SOAT1: variants seen among roughly 807,000 people sequenced by gnomAD.
The protein encoded by SOAT1 is acyl-coenzyme A:cholesterol acyltransferase 1.
In SOAT1, 55 loss-of-function variants were observed where a neutral mutation model predicts 69.5. The ratio of observed to expected loss-of-function variants is 0.79; its 90% confidence interval spans 0.64 to 0.99. The LOEUF (loss-of-function observed/expected upper bound fraction) is 0.99, where lower values mean the gene tolerates loss of function less well. SOAT1 is among the 50% of genes least tolerant of loss of function. SOAT1 has a pLI of 0.00. For missense variants in SOAT1, 580 were observed against 669.3 expected (o/e 0.87, Z 1.47); for synonymous variants, 231 against 224.7 (o/e 1.03, Z -0.25).
At position 179,302,838 on chromosome 1, in the gene SOAT1, G is replaced by A. The variant is rs745416065; in HGVS notation, c.118+36G>A. 10 of 1,112,340 alleles carry A rather than the reference G, an allele frequency of 9.0e-6. 1 individual carries two copies. In the South Asian group the frequency reaches 1.5e-4, roughly 17 times the overall value. 68.9% of individuals were successfully genotyped at this position (1,112,340 alleles called of 1,614,324 possible). On this transcript the variant is annotated intron_variant, in intron 2 of 15. Coordinates refer to ENST00000367619, the MANE Select transcript of SOAT1 (RefSeq NM_003101.6). ...ATTTTTTTTTTTTAGGTGAATTAGT[G>A]AAATAGAGAACAAATACAGTGTTAT...
intron 10 of SOAT1, 107 bp from the exon 11 acceptor site, chr1:179,344,840 G>C: frequency 9.8e-7 from 1 of 1,025,238 alleles, no homozygotes; most frequent in East Asian, 2.4e-5. Flanking sequence ...ATACATATGC[G>C]AACATTACTG....
chr1:179,298,002 CAA>C (rs59670155), intron 1 of SOAT1, among the ~76,000 whole-genome samples: 3 of 143,018 alleles, frequency 2.1e-5, no homozygotes, highest in African/African-American at 5.2e-5. Context: ...AACTCTGTCT[CAA>C]AAAAAAAAAA....
chr1:179,298,406 T>C (rs1218096730), intron 1 of SOAT1, among the ~76,000 whole-genome samples: 4 of 152,164 alleles, frequency 2.6e-5, no homozygotes, highest in Admixed American at 6.5e-5. Flanking sequence ...GCTTTTGATG[T>C]AAGGTTTCCT....
intron 1 of SOAT1, among the ~76,000 whole-genome samples, chr1:179,296,113 G>A (rs1401384485): frequency 6.7e-6 from 1 of 149,396 alleles, no homozygotes; most frequent in Non-Finnish European, 1.5e-5. Context: ...GAGCCACCGC[G>A]CCCAGCTCAC....
At chr1:179,326,712 C>G (rs1443356976) in intron 3 of SOAT1, among the ~76,000 whole-genome samples, 5 of 152,138 alleles carry the variant, frequency 3.3e-5, no homozygotes, top group Admixed American at 3.3e-4. Flanking sequence ...CATGTGCCAC[C>G]ATGCCCGGCT....
intron 2 of SOAT1, among the ~76,000 whole-genome samples, chr1:179,322,776 G>A (rs926857765): frequency 6.7e-6 from 1 of 149,234 alleles, no homozygotes; most frequent in Non-Finnish European, 1.5e-5. Flanking sequence ...AGTAGAGACA[G>A]ACAGATTTCC....
At chr1:179,333,944 C>T (rs1666060244) in intron 3 of SOAT1, among the ~76,000 whole-genome samples, 1 of 152,160 alleles carries the variant, frequency 6.6e-6, no homozygotes, top group South Asian at 2.1e-4. Context: ...AGAAGCTCAC[C>T]CAGTCGGCTG....
chr1:179,334,367 T>C (rs1004007426), intron 3 of SOAT1, among the ~76,000 whole-genome samples: 1 of 152,202 alleles, frequency 6.6e-6, no homozygotes, highest in Non-Finnish European at 1.5e-5. Context: ...CTAACTGTCA[T>C]TTATAGGAAA....
chr1:179,352,175 T>G (rs1666762612), intron 15 of SOAT1, among the ~76,000 whole-genome samples: 1 of 152,024 alleles, frequency 6.6e-6, no homozygotes, highest in African/African-American at 2.4e-5. Context: ...ATTTTTGTTT[T>G]TGGTAATTCA....
At position 179,351,346 on chromosome 1, in the gene SOAT1, C is replaced by T. The variant is rs770085650; in HGVS notation, c.1480C>T (p.Arg494Trp). 25 of 1,613,824 alleles carry T rather than the reference C, an allele frequency of 1.5e-5. No individual in the cohort carries two copies. The highest frequency in any genetic ancestry group is 1.6e-4 in the Middle Eastern group (1 of 6,084). The change falls in exon 15 of 16, where the codon CGG becomes TGG. Residue 494 changes from arginine to tryptophan, a missense_variant. Arg to Trp is a moderately radical substitution (Grantham distance 101). Coordinates refer to ENST00000367619, the MANE Select transcript of SOAT1 (RefSeq NM_003101.6). The part of the protein sequence containing the change: ...MAFNFIVNDS[R>W]KKPIWNVLMW... ...TTTCAACTTCATTGTCAATGATAGT[C>T]GGAAAAAGCCGATTTGGAATGTTCT...
chr1:179,351,583 GA>G, intron 15 of SOAT1, 121 bp downstream of exon 15: 1 of 857,066 alleles, frequency 1.2e-6, no homozygotes, highest in Non-Finnish European at 1.8e-6. Flanking sequence ...TAAAGAGAGG[GA>G]AATGAGGAGT....
At chr1:179,299,574 T>C (rs1664761230) in intron 1 of SOAT1, among the ~76,000 whole-genome samples, 1 of 152,064 alleles carries the variant, frequency 6.6e-6, no homozygotes, top group African/African-American at 2.4e-5. Context: ...ATAACAATAG[T>C]ATCTGTCTTG....
intron 11 of SOAT1, among the ~76,000 whole-genome samples, chr1:179,346,050 T>G (rs1425009543): frequency 6.6e-6 from 1 of 152,216 alleles, no homozygotes; most frequent in African/African-American, 2.4e-5. Context: ...TTTTCCTCTT[T>G]TCTTTACTCA....
chr1:179,318,093 G>T (rs1298063196), intron 2 of SOAT1, among the ~76,000 whole-genome samples: 1 of 152,060 alleles, frequency 6.6e-6, no homozygotes, highest in East Asian at 1.9e-4. Context: ...TAGCGGGGCG[G>T]CTGATGCAGG....
intron 1 of SOAT1, among the ~76,000 whole-genome samples, chr1:179,302,339 C>T (rs1664858377): frequency 6.6e-6 from 1 of 152,222 alleles, no homozygotes; most frequent in African/African-American, 2.4e-5. Flanking sequence ...TCATCTCTAA[C>T]TGTAATCACC....
intron 3 of SOAT1, among the ~76,000 whole-genome samples, chr1:179,325,147 ATTTTT>A (rs35938597): frequency 1.0e-5 from 1 of 96,844 alleles, no homozygotes; most frequent in Non-Finnish European, 2.0e-5. Flanking sequence ...TTAGTGACTA[ATTTTT>A]TTTTTTTTTT....
rs1254501984 is a variant in SOAT1, at chr1:179,344,351, GGGTTTTTTTTTTTTTTTTTTTTTTTTT to G, written c.988-595_988-569del. 2.3e-3 allele frequency among the ~76,000 whole-genome samples: 10 copies of G among 4,406 alleles called. No individual in the cohort carries two copies. In the East Asian group the frequency reaches 0.092, roughly 41 times the overall value. The allele number at this position is 4,406 out of a possible 152,430, so 2.9% of individuals were successfully genotyped here. On this transcript the variant is annotated intron_variant, in intron 10 of 15. Transcript: ENST00000367619. ...TTATGAAGTAAGTTCTTTCATTAAG[GGGTTTTTTTTTTTTTTTTTTTTTTTTT>G]TTTTTTTTTTTTTTGAGAAGGAGTC...
chr1:179,306,831 A>AG (rs71111905), intron 2 of SOAT1, among the ~76,000 whole-genome samples: 35 of 12,468 alleles, frequency 2.8e-3, no homozygotes, highest in East Asian at 0.02. Context: ...ACTCCATCTC[A>AG]AAAAAAAAAA....
intron 2 of SOAT1, among the ~76,000 whole-genome samples, chr1:179,309,873 TTTTTG>T (rs1321738890): frequency 2.6e-5 from 4 of 152,016 alleles, no homozygotes; most frequent in Non-Finnish European, 4.4e-5. Context: ...TATAATTTTT[TTTTTG>T]TTTGTTTTTG....
Sources: gnomAD v4.1 joint callset for allele counts (sites outside exome capture counted in the v4.1 genomes callset) on GRCh38, gnomAD v4.1.1 for gene constraint, MANE v1.5 for transcripts, NCBI Gene and HGNC (gene_info 2026-07-23, HGNC 2026-07-21) for gene names.